The following WWOX variants were observed in gnomAD, a reference collection of about 807,000 sequenced individuals.
The protein encoded by WWOX is WW domain containing oxidoreductase.
WWOX carries 69 observed loss-of-function variants against 46.2 expected under a neutral mutation model. That is an observed-to-expected ratio of 1.49 (90% CI 1.23 to 1.82). The LOEUF is 1.82. Among genes scored for constraint, WWOX ranks in the 40% most tolerant of loss-of-function variants. The pLI is 0.00. For synonymous variants in WWOX, 359 were observed against 202.6 expected (o/e 1.77, Z -6.56); for missense variants, 919 against 542.6 (o/e 1.69, Z -6.89).
chr16:78,334,826 A>G (rs1183441687), intron 5 of WWOX, among the ~76,000 whole-genome samples: 13 of 107,248 alleles, frequency 1.2e-4, no homozygotes, highest in Middle Eastern at 9.3e-3. Context: ...ACACACACAC[A>G]CACACATACA....
At chr16:78,618,239 G>T (rs190441024) in intron 8 of WWOX, among the ~76,000 whole-genome samples, 17 of 152,314 alleles carry the variant, frequency 1.1e-4, no homozygotes, top group African/African-American at 3.8e-4. Flanking sequence ...AAATGGAAAA[G>T]CACTGACGCA....
intron 8 of WWOX, among the ~76,000 whole-genome samples, chr16:78,437,004 C>T (rs867541966): frequency 2.6e-5 from 4 of 152,152 alleles, no homozygotes; most frequent in Admixed American, 6.5e-5. Flanking sequence ...ATGCAATGTC[C>T]CTATCACCAG....
At chr16:79,023,063 C>A (rs372181017) in intron 8 of WWOX, among the ~76,000 whole-genome samples, 2 of 151,828 alleles carry the variant, frequency 1.3e-5, no homozygotes, top group Admixed American at 6.6e-5. Flanking sequence ...AAAAATAATA[C>A]CTACAATAAC....
chr16:78,797,643 C>T (rs1231941954), intron 8 of WWOX, among the ~76,000 whole-genome samples: 2 of 152,146 alleles, frequency 1.3e-5, no homozygotes, highest in African/African-American at 2.4e-5. Flanking sequence ...CGTCCAGTCT[C>T]AAGGAACTAT....
At chr16:79,114,813 C>G (rs2049481984) in intron 8 of WWOX, among the ~76,000 whole-genome samples, 1 of 152,174 alleles carries the variant, frequency 6.6e-6, no homozygotes, top group South Asian at 2.1e-4. Context: ...TTCCAGATCA[C>G]TCATCAAGGG....
At chr16:79,178,114 C>G (rs1303140663) in intron 8 of WWOX, among the ~76,000 whole-genome samples, 3 of 152,186 alleles carry the variant, frequency 2.0e-5, no homozygotes, top group East Asian at 3.9e-4. Flanking sequence ...CTAATATTAT[C>G]ACATTGGAGA....
In WWOX at chr16:78,349,059, C is replaced by T. The variant is rs187752304; in HGVS notation, c.517-37801C>T. Reference sequence around the variant, plus strand: ...CTTGAACAACAAAAATACATTTTCTCATAGTTGTGGAGCCTAGAATTCCAA... The same window carrying T: ...CTTGAACAACAAAAATACATTTTCTTATAGTTGTGGAGCCTAGAATTCCAA... On this transcript the variant is annotated intron_variant, in intron 5 of 8. Transcript: ENST00000566780. 2.5e-5 allele frequency among the ~76,000 whole-genome samples: 3 copies of T among 120,420 alleles called. 1 individual carries two copies. The highest frequency in any genetic ancestry group is 1.9e-4 in the East Asian group (1 of 5,148). 79.0% of individuals were successfully genotyped at this position (120,420 alleles called of 152,430 possible).
intron 8 of WWOX, among the ~76,000 whole-genome samples, chr16:78,947,143 T>A (rs1256921429): frequency 6.6e-6 from 1 of 151,100 alleles, no homozygotes; most frequent in Non-Finnish European, 1.5e-5. Context: ...ACATTAGTCT[T>A]CCATTAAAAA....
chr16:78,724,934 G>A (rs1205895649), intron 8 of WWOX, among the ~76,000 whole-genome samples: 2 of 152,102 alleles, frequency 1.3e-5, no homozygotes, highest in South Asian at 4.1e-4. Flanking sequence ...TTCCAGGTAC[G>A]TAGCAGGTAT....
chr16:78,751,461 T>TTATATATATA (rs71140824), intron 8 of WWOX, among the ~76,000 whole-genome samples: 2,051 of 128,226 alleles, frequency 0.016, 19 homozygotes, highest in African/African-American at 0.024. Context: ...TTATCAGATT[T>TTATATATATA]TATATATATA....
chr16:78,714,487 T>C (rs13337124), intron 8 of WWOX, among the ~76,000 whole-genome samples: 4 of 151,390 alleles, frequency 2.6e-5, no homozygotes, highest in African/African-American at 9.7e-5. Context: ...TACGTGGGGA[T>C]GATGGGAGAT....
intron 5 of WWOX, among the ~76,000 whole-genome samples, chr16:78,301,844 CT>C (rs1214558112): frequency 6.6e-5 from 10 of 152,234 alleles, no homozygotes; most frequent in African/African-American, 2.4e-4. Context: ...TTTCTTCCAC[CT>C]TCTTGGGGTT....
intron 8 of WWOX, among the ~76,000 whole-genome samples, chr16:78,613,435 G>C (rs923363232): frequency 2.0e-5 from 3 of 152,122 alleles, no homozygotes; most frequent in Admixed American, 6.5e-5. Flanking sequence ...TGGTGTCTAT[G>C]AGGGTCATCT....
chr16:78,211,977 C>G (rs1207248529), intron 5 of WWOX, among the ~76,000 whole-genome samples: 3 of 152,204 alleles, frequency 2.0e-5, no homozygotes, highest in Non-Finnish European at 2.9e-5. Context: ...TATTTATTTG[C>G]TACCATGGTA....
At chr16:78,130,864 G>T (rs1280735005) in intron 4 of WWOX, among the ~76,000 whole-genome samples, 1 of 152,230 alleles carries the variant, frequency 6.6e-6, no homozygotes, top group Non-Finnish European at 1.5e-5. Context: ...CTGAATGACA[G>T]AGATATGATC....
At chr16:79,019,613 C>T (rs904754301) in intron 8 of WWOX, among the ~76,000 whole-genome samples, 12 of 151,838 alleles carry the variant, frequency 7.9e-5, no homozygotes, top group African/African-American at 1.7e-4. Flanking sequence ...TGGTATCCTG[C>T]GTATCTGTGA....
intron 4 of WWOX, among the ~76,000 whole-genome samples, chr16:78,118,703 C>A (rs1436867216): frequency 1.3e-5 from 2 of 152,112 alleles, no homozygotes; most frequent in Non-Finnish European, 2.9e-5. Context: ...GAAAAAAGTG[C>A]CGACTGCTAT....
chr16:78,898,172 T>G (rs1248421025), intron 8 of WWOX: 1 of 152,172 alleles, frequency 6.6e-6, no homozygotes, highest in East Asian at 1.9e-4. Flanking sequence ...CCAATTTATC[T>G]TTTTCATTTG....
At chr16:79,160,352 G>T (rs78512883) in intron 8 of WWOX, among the ~76,000 whole-genome samples, 1,820 of 152,180 alleles carry the variant, frequency 0.012, 39 homozygotes, top group African/African-American at 0.042. Flanking sequence ...GAGGTGGAGG[G>T]TTGCTACCTA....
Sources: gnomAD v4.1 joint callset for allele counts (sites outside exome capture counted in the v4.1 genomes callset) on GRCh38, gnomAD v4.1.1 for gene constraint, MANE v1.5 for transcripts, NCBI Gene and HGNC (gene_info 2026-07-23, HGNC 2026-07-21) for gene names.